The following CCNB3 variants were observed in gnomAD, a reference collection of about 807,000 sequenced individuals.
The protein encoded by CCNB3 is cyclin B3.
CCNB3 carries 12 observed loss-of-function variants against 68.0 expected under a neutral mutation model. The ratio of observed to expected loss-of-function variants is 0.18; its 90% CI spans 0.11 to 0.29. CCNB3 has a LOEUF of 0.29. Ranked by LOEUF, CCNB3 falls within the 10% of genes least tolerant of loss-of-function variation. The pLI is 1.00. For synonymous variants in CCNB3, 354 were observed against 388.9 expected, an observed-to-expected ratio of 0.91 and a Z score of 1.06; for missense variants, 904 against 993.1, an observed-to-expected ratio of 0.91 and a Z score of 1.21.
At chrX:50,204,115 T>C (rs1935308735), upstream of CCNB3, among the ~76,000 whole-genome samples, 1 of 111,818 alleles carries the variant, frequency 8.9e-6, no homozygotes, top group South Asian at 3.7e-4. Flanking sequence ...ACCACAATAC[T>C]GGGCACACAG....
At chrX:50,293,222 C>T (rs931229210) in intron 4 of CCNB3, among the ~76,000 whole-genome samples, 5 of 111,147 alleles carry the variant, frequency 4.5e-5, no homozygotes, top group Non-Finnish European at 9.4e-5. Flanking sequence ...TGATATCCCC[C>T]TTATTTCTGA....
intron 1 of CCNB3, among the ~76,000 whole-genome samples, chrX:50,226,095 A>G (rs1935760139): frequency 2.4e-5 from 2 of 83,491 alleles, no homozygotes; most frequent in Non-Finnish European, 4.4e-5. Flanking sequence ...ATATGAATAT[A>G]TATAGAATAT....
chrX:50,279,275 TAC>T (rs1936027361), intron 1 of CCNB3, among the ~76,000 whole-genome samples: 1 of 72,258 alleles, frequency 1.4e-5, no homozygotes, highest in Admixed American at 2.2e-4. Flanking sequence ...AGAGAATATA[TAC>T]ATATTCATAT....
chrX:50,284,202 C>T (rs1411763058), intron 1 of CCNB3, among the ~76,000 whole-genome samples: 3 of 111,144 alleles, frequency 2.7e-5, no homozygotes, highest in East Asian at 5.6e-4. Flanking sequence ...CCTTTCTCTT[C>T]CCCCTACTCC....
At chrX:50,315,502 C>G (rs1339154863) in intron 8 of CCNB3, among the ~76,000 whole-genome samples, 2 of 111,124 alleles carry the variant, frequency 1.8e-5, no homozygotes, top group African/African-American at 6.5e-5. Context: ...CCTAGTTTAT[C>G]CCGAAGATGA....
chrX:50,345,910 G>T (rs1045845074), intron 9 of CCNB3, among the ~76,000 whole-genome samples: 2 of 112,391 alleles, frequency 1.8e-5, no homozygotes, highest in Admixed American at 9.4e-5. Context: ...GGGGAAAGGT[G>T]GGGGAAGAAA....
chrX:50,298,435 T>G (rs1427673567), intron 5 of CCNB3, among the ~76,000 whole-genome samples: 1 of 112,117 alleles, frequency 8.9e-6, no homozygotes, highest in African/African-American at 3.2e-5. Flanking sequence ...GGATTACGTT[T>G]ATTGATTTTC....
chrX:50,227,469 C>A (rs1369245829), intron 1 of CCNB3, among the ~76,000 whole-genome samples: 18 of 66,295 alleles, frequency 2.7e-4, no homozygotes, highest in African/African-American at 6.4e-4. Flanking sequence ...GAATATATAT[C>A]TAAATATATA....
intron 1 of CCNB3, among the ~76,000 whole-genome samples, chrX:50,221,778 T>G (rs1360283636): frequency 9.0e-6 from 1 of 111,722 alleles, no homozygotes; most frequent in East Asian, 2.8e-4. Context: ...TGTAGATGTC[T>G]ATTAGGTCCA....
intron 8 of CCNB3, among the ~76,000 whole-genome samples, chrX:50,315,819 A>C (rs1921698554): frequency 9.0e-6 from 1 of 111,093 alleles, no homozygotes; most frequent in Non-Finnish European, 1.9e-5. Context: ...CCATCTCTAT[A>C]ATTTTGTCAT....
intron 1 of CCNB3, among the ~76,000 whole-genome samples, chrX:50,224,830 G>T (rs1935727636): frequency 9.0e-6 from 1 of 111,648 alleles, no homozygotes; most frequent in South Asian, 3.8e-4. Context: ...GACTACTTGT[G>T]TTTAAATTCC....
In CCNB3 at chrX:50,339,604, A is replaced by G. The variant is rs138339722; in HGVS notation, c.3517-2598A>G. The stretch of plus-strand genomic sequence containing the variant: ...GCTTGGGGCCAGGAGTTTGAGATCA[A>G]CCTGGTAAACATAGCGAGATCCTGT... On this transcript the variant is annotated intron_variant, in intron 8 of 12. Coordinates refer to ENST00000376042, the MANE Select transcript of CCNB3 (RefSeq NM_033031.3). Among the ~76,000 whole-genome samples the G allele has an allele frequency of 1.1e-4, 12 of 111,809 alleles. No individual in the cohort carries two copies. In the East Asian group the frequency reaches 3.1e-3, roughly 29 times the overall value.
At chrX:50,283,753 C>A (rs1396978714) in intron 1 of CCNB3, among the ~76,000 whole-genome samples, 4 of 111,158 alleles carry the variant, frequency 3.6e-5, no homozygotes, top group African/African-American at 9.8e-5. Context: ...TGCCTGGAAA[C>A]CTCCCAGTCA....
intron 1 of CCNB3, among the ~76,000 whole-genome samples, chrX:50,223,586 C>T (rs887296918): frequency 1.8e-5 from 2 of 112,052 alleles, no homozygotes; most frequent in Non-Finnish European, 3.8e-5. Context: ...TTGGATATCA[C>T]CAGCAGAGGC....
chrX:50,280,350 GCA>G (rs1936115196), intron 1 of CCNB3, among the ~76,000 whole-genome samples: 1 of 101,247 alleles, frequency 9.9e-6, no homozygotes, highest in Non-Finnish European at 2.0e-5. Flanking sequence ...CTAGTTCCTG[GCA>G]CAAATCAGGT....
intron 1 of CCNB3, among the ~76,000 whole-genome samples, chrX:50,280,041 C>A (rs1161405153): frequency 1.4e-4 from 5 of 34,783 alleles, no homozygotes; most frequent in Admixed American, 3.8e-4. Context: ...AATATATAGA[C>A]AGAATATATA....
chrX:50,329,536 T>G (rs2147085389), intron 8 of CCNB3, among the ~76,000 whole-genome samples: 1 of 112,704 alleles, frequency 8.9e-6, no homozygotes, highest in African/African-American at 3.2e-5. Context: ...GCTTCAGGGA[T>G]GCGGGGAGCA....
chrX:50,330,359 ACTGT>A (rs1455456533), intron 8 of CCNB3, among the ~76,000 whole-genome samples: 1 of 111,350 alleles, frequency 9.0e-6, no homozygotes, highest in Admixed American at 9.5e-5. Context: ...GCAGCGCCAG[ACTGT>A]CTGACTACTG....
At chrX:50,280,181 A>T (rs1936105167) in intron 1 of CCNB3, among the ~76,000 whole-genome samples, 1 of 94,668 alleles carries the variant, frequency 1.1e-5, no homozygotes, top group Admixed American at 1.3e-4. Context: ...GAATATATAT[A>T]TAAATATATA....
Sources: allele counts gnomAD v4.1 joint callset (sites outside exome capture counted in the v4.1 genomes callset), GRCh38; gene constraint gnomAD v4.1.1; transcripts MANE v1.5; gene names NCBI Gene and HGNC (gene_info 2026-07-23, HGNC 2026-07-21).